ME1: variants seen among roughly 807,000 people sequenced by gnomAD.
ME1 encodes malic enzyme 1, also known as NADP-dependent malic enzyme.
Under a neutral mutation model 66.4 loss-of-function variants are expected in ME1, and 74 were observed. The ratio of observed to expected loss-of-function variants is 1.11; its 90% CI spans 0.92 to 1.35. ME1 has a LOEUF of 1.35. ME1 is among the 40% of genes most tolerant of loss of function. The pLI, the probability that ME1 is intolerant of heterozygous loss-of-function variation, is 0.00. For missense variants in ME1, 750 were observed against 694.1 expected (o/e 1.08, Z -0.90); for synonymous variants, 251 against 235.6 (o/e 1.07, Z -0.60).
chr6:83,251,222 T>C (rs1790717582), intron 7 of ME1, among the ~76,000 whole-genome samples: 1 of 152,118 alleles, frequency 6.6e-6, no homozygotes, highest in Non-Finnish European at 1.5e-5. Flanking sequence ...AGGTCAGGCA[T>C]GGTGGCTTAT....
At chr6:83,232,188 C>A (rs1470453411) in intron 9 of ME1, among the ~76,000 whole-genome samples, 1 of 152,142 alleles carries the variant, frequency 6.6e-6, no homozygotes, top group African/African-American at 2.4e-5. Context: ...GGACTACCTA[C>A]CCCCAATTTA....
At chr6:83,283,227 C>CAAAAAAAAAAAAAAAAAAAAAAA (rs71545854) in intron 6 of ME1, among the ~76,000 whole-genome samples, 48 of 28,846 alleles carry the variant, frequency 1.7e-3, no homozygotes, top group Non-Finnish European at 2.6e-3. Flanking sequence ...GACTCCGTCT[C>CAAAAAAAAAAAAAAAAAAAAAAA]AAAAAAAAAA....
intron 1 of ME1, among the ~76,000 whole-genome samples, chr6:83,411,611 T>C (rs1392445243): frequency 6.6e-6 from 1 of 152,148 alleles, no homozygotes; most frequent in East Asian, 1.9e-4. Context: ...TGAAGTAAAA[T>C]AGTTCAAAGA....
At chr6:83,381,171 A>T (rs1769387257) in intron 3 of ME1, among the ~76,000 whole-genome samples, 1 of 152,070 alleles carries the variant, frequency 6.6e-6, no homozygotes, top group East Asian at 1.9e-4. Context: ...GAATTATAGC[A>T]CTCCACCCCC....
chr6:83,216,574 T>A lies in ME1; in HGVS notation c.1472A>T (p.Asp491Val), dbSNP rs1404401216. The stretch of plus-strand genomic sequence containing the variant: ...AAGCCGACCCTCTTCCAAGTGTTTA[T>A]CTGACACTTGCTGAGCTATAACCTT... ...TAEVIAQQVS[D>V]KHLEEGRLYP... is the part of the protein sequence containing the mutation. Residue 491 changes from aspartate (D) to valine (V), a missense_variant, in exon 13 of 14, where the codon GAT (aspartate) becomes GTT (valine). Asp to Val is a radical substitution (Grantham distance 152). Transcript: ENST00000369705. The A allele has an allele frequency of 6.2e-7, 1 of 1,608,908 alleles. No homozygotes were observed. The highest frequency in any genetic ancestry group is 1.3e-5 in the African/African-American group (1 of 74,754).
rs59788379 is a variant in ME1 at position 83,406,971 on chromosome 6, T to TACACACACACACACACAC, written c.212+779_212+796dup. The stretch of plus-strand genomic sequence containing the variant: ...CCATTTATATTTATATTTTCATTCA[T>TACACACACACACACACAC]ACACACACACACACACACACACACA... On this transcript the variant is annotated intron_variant, in intron 2 of 13. Transcript: ENST00000369705. 4.8e-3 allele frequency among the ~76,000 whole-genome samples: 688 copies of TACACACACACACACACAC among 143,952 alleles called. 7 individuals carry two copies. Among genetic ancestry groups the TACACACACACACACACAC allele is most frequent in the African/African-American group, 0.016 (616 of 38,526 alleles). The allele number at this position is 143,952 out of a possible 152,430, so 94.4% of individuals were successfully genotyped here. A position where few individuals can be genotyped will look rare whatever the true frequency, so the allele number is the denominator to read the frequency against.
chr6:83,254,538 C>T (rs1790771294), intron 6 of ME1, among the ~76,000 whole-genome samples: 1 of 152,154 alleles, frequency 6.6e-6, no homozygotes, highest in African/African-American at 2.4e-5. Context: ...CTTTTACAAA[C>T]CTTTTATTCT....
intron 6 of ME1, among the ~76,000 whole-genome samples, chr6:83,282,950 C>T (rs1273260866): frequency 6.6e-6 from 1 of 151,542 alleles, no homozygotes; most frequent in African/African-American, 2.4e-5. Context: ...TGAGTTCGGC[C>T]GGGCGCGGTG....
intron 6 of ME1, among the ~76,000 whole-genome samples, chr6:83,271,734 T>C (rs1276367997): frequency 6.6e-6 from 1 of 152,168 alleles, no homozygotes; most frequent in African/African-American, 2.4e-5. Flanking sequence ...ATATTAAGTA[T>C]GGGACATTCC....
chr6:83,380,227 G>A (rs886579986), intron 3 of ME1, among the ~76,000 whole-genome samples: 3 of 152,024 alleles, frequency 2.0e-5, no homozygotes, highest in South Asian at 2.1e-4. Flanking sequence ...AGGGGATTTC[G>A]AGGGCATTCA....
At chr6:83,414,214 G>A (rs771431575) in intron 1 of ME1, among the ~76,000 whole-genome samples, 9 of 150,766 alleles carry the variant, frequency 6.0e-5, no homozygotes, top group Admixed American at 2.7e-4. Flanking sequence ...GTATTTACAC[G>A]GTAAAGTTTA....
chr6:83,431,045 T>C lies in ME1; in HGVS notation c.-91A>G. ...ATGCTGCTGGGGTGACGGTGCTGAC[T>C]GCAGCTGTGGCGGCGGCGGCCGCAC... On this transcript the variant is annotated 5_prime_UTR_variant, in exon 1 of 14. Coordinates refer to ENST00000369705, the MANE Select transcript of ME1 (RefSeq NM_002395.6). The C allele has an allele frequency of 1.3e-6, 1 of 766,414 alleles. No individual in the cohort carries two copies. Among genetic ancestry groups the C allele is most frequent in the Non-Finnish European group, 1.8e-6 (1 of 543,660 alleles). The allele number at this position is 766,414 out of a possible 1,614,324, so 47.5% of individuals were successfully genotyped here.
At position 83,253,710 on chromosome 6, in the gene ME1, C is replaced by T. The variant is rs1790760268; in HGVS notation, c.733G>A (p.Glu245Lys). The T allele has an allele frequency of 6.2e-7, 1 of 1,608,332 alleles. No individual in the cohort carries two copies. Among genetic ancestry groups the T allele is most frequent in the East Asian group, 2.2e-5 (1 of 44,724 alleles). ...KYGMNCLIQF[E>K]DFANVNAFRL... Reference sequence around the variant, plus strand: ...AATGCATTCACATTGGCAAAATCTTCAAACTGAATAAGGCAATTCATGCCA... The same window carrying T: ...AATGCATTCACATTGGCAAAATCTTTAAACTGAATAAGGCAATTCATGCCA... The change falls in exon 7 of 14, where the codon GAA becomes AAA. Residue 245 changes from glutamate (E) to lysine (K), a missense_variant. Glu to Lys is a moderately conservative substitution (Grantham distance 56). Coordinates refer to ENST00000369705, the MANE Select transcript of ME1 (RefSeq NM_002395.6).
intron 2 of ME1, among the ~76,000 whole-genome samples, chr6:83,399,688 C>T (rs780049158): frequency 3.3e-5 from 5 of 152,126 alleles, no homozygotes; most frequent in Non-Finnish European, 5.9e-5. Flanking sequence ...ATATCTGTAA[C>T]CTTCAATAGT....
At position 83,223,804 on chromosome 6, in the gene ME1, C is replaced by T. The variant is rs1292187797; in HGVS notation, c.1405G>A (p.Gly469Arg). The change falls in exon 12 of 14, where the codon GGA becomes AGA. Residue 469 changes from glycine (G) to arginine (R), a missense_variant. Transcript: ENST00000369705. ...ATATTATCTGTGATCTGCCTCAATC[C>T]ACACGCCACAACACCAAGAGCAACT... The part of the protein sequence containing the change: ...PGVALGVVAC[G>R]LRQITDNIFL... The T allele has an allele frequency of 6.2e-7, 1 of 1,613,464 alleles. No individual in the cohort carries two copies. Among genetic ancestry groups the T allele is most frequent in the African/African-American group, 1.3e-5 (1 of 74,776 alleles).
chr6:83,252,888 G>C (rs1344559760), intron 7 of ME1, among the ~76,000 whole-genome samples: 1 of 152,156 alleles, frequency 6.6e-6, no homozygotes, highest in Non-Finnish European at 1.5e-5. Flanking sequence ...AGTATTTCAA[G>C]AAACAAGGTG....
intron 1 of ME1, among the ~76,000 whole-genome samples, chr6:83,429,079 C>A (rs962412937): frequency 6.6e-6 from 1 of 151,930 alleles, no homozygotes; most frequent in African/African-American, 2.4e-5. Flanking sequence ...CTGACTAACA[C>A]GGTGAAACCC....
chr6:83,339,977 AAAAAG>A (rs1207750776), intron 5 of ME1, among the ~76,000 whole-genome samples: 18 of 141,436 alleles, frequency 1.3e-4, no homozygotes, highest in South Asian at 8.7e-4. Context: ...TAATAAAAAA[AAAAAG>A]AAAAGAAAAG....
At chr6:83,290,020 C>T (rs1056484595) in intron 6 of ME1, among the ~76,000 whole-genome samples, 2 of 152,148 alleles carry the variant, frequency 1.3e-5, no homozygotes, top group African/African-American at 4.8e-5. Context: ...ATTCTTCCCT[C>T]TTTTATCCTT....
Sources: allele counts gnomAD v4.1 joint callset (sites outside exome capture counted in the v4.1 genomes callset), GRCh38; gene constraint gnomAD v4.1.1; transcripts MANE v1.5; gene names NCBI Gene and HGNC (gene_info 2026-07-23, HGNC 2026-07-21).